The following UNC79 variants were observed in gnomAD, a reference collection of about 807,000 sequenced individuals.
UNC79 encodes protein unc-79 homolog.
A neutral mutation model predicts 283.1 loss-of-function variants in UNC79; 37 were observed. The ratio of observed to expected loss-of-function variants is 0.13; its 90% confidence interval spans 0.10 to 0.17. UNC79 has a LOEUF of 0.17. Ranked by LOEUF, UNC79 falls within the 10% of genes least tolerant of loss-of-function variation. The pLI, the probability that UNC79 is intolerant of heterozygous loss-of-function variation, is 1.00. For missense variants in UNC79, 2,272 were observed against 3,211.1 expected (o/e 0.71, Z 7.07); for synonymous variants, 1,107 against 1,200.2 (o/e 0.92, Z 1.61).
chr14:93,335,823 C>CT (rs1375456827), intron 1 of UNC79, among the ~76,000 whole-genome samples: 9 of 152,202 alleles, frequency 5.9e-5, no homozygotes. Flanking sequence ...CATCCCTGGT[C>CT]TTTTCATTTT....
At chr14:93,362,343 T>A (rs1004672693) in intron 1 of UNC79, among the ~76,000 whole-genome samples, 1 of 152,140 alleles carries the variant, frequency 6.6e-6, no homozygotes, top group African/African-American at 2.4e-5. Context: ...GTAGGTTTTT[T>A]ATTACTGATT....
At chr14:93,578,153 A>C in intron 18 of UNC79, 90 bp downstream of exon 18, 7 of 1,222,444 alleles carry the variant, frequency 5.7e-6, no homozygotes, top group Non-Finnish European at 8.0e-6. Context: ...GGGCATCTCC[A>C]CACTTATCAA....
chr14:93,458,742 T>C (rs1382133549), intron 1 of UNC79, among the ~76,000 whole-genome samples: 2 of 152,206 alleles, frequency 1.3e-5, no homozygotes, highest in Non-Finnish European at 2.9e-5. Context: ...TTTCAATTCA[T>C]TTCAACCACC....
rs551527302 is a variant in UNC79, at chr14:93,451,118, T to G, written c.23-16553T>G. On this transcript the variant is annotated intron_variant, in intron 1 of 48. Transcript: ENST00000555664. ...TTATCTTTCTGATATTAATAACAGGTTTTTTTTTTTTAAGATAAAGTTTTC... is the reference window on the plus strand; with the variant it reads ...TTATCTTTCTGATATTAATAACAGGGTTTTTTTTTTTAAGATAAAGTTTTC... Among the ~76,000 whole-genome samples the G allele has an allele frequency of 2.9e-3, 411 of 139,792 alleles. 9 individuals are homozygous for G. Among genetic ancestry groups the G allele is most frequent in the Non-Finnish European group, 5.9e-4 (37 of 62,802 alleles). The allele number at this position is 139,792 out of a possible 152,430, so 91.7% of individuals were successfully genotyped here. A position where few individuals can be genotyped will look rare whatever the true frequency, so the allele number is the denominator to read the frequency against.
intron 41 of UNC79, among the ~76,000 whole-genome samples, chr14:93,673,759 G>A (rs2073096233): frequency 6.6e-6 from 1 of 152,118 alleles, no homozygotes; most frequent in South Asian, 2.1e-4. Context: ...TAGAGGGTCA[G>A]GTCAGTCACC....
intron 1 of UNC79, among the ~76,000 whole-genome samples, chr14:93,424,690 A>C (rs1595459279): frequency 6.6e-6 from 1 of 152,026 alleles, no homozygotes; most frequent in East Asian, 1.9e-4. Context: ...TAGAGAGTAG[A>C]AGGATGGTTA....
chr14:93,381,320 C>T (rs957787033), intron 1 of UNC79, among the ~76,000 whole-genome samples: 1 of 152,174 alleles, frequency 6.6e-6, no homozygotes, highest in Non-Finnish European at 1.5e-5. Flanking sequence ...TGACTCCCCC[C>T]AGAAGGAGTG....
chr14:93,586,887 A>T, exon 22 of UNC79: 1 of 1,613,978 alleles, frequency 6.2e-7, no homozygotes, highest in African/African-American at 1.3e-5. Flanking sequence ...GCCTACATTC[A>T]GGACCACATG....
chr14:93,536,781 G>GC (rs1165901491), intron 11 of UNC79, among the ~76,000 whole-genome samples: 2 of 86,244 alleles, frequency 2.3e-5, no homozygotes, highest in African/African-American at 8.6e-5. Flanking sequence ...CCCACCCCCG[G>GC]CTTTTTTTTT....
intron 22 of UNC79, among the ~76,000 whole-genome samples, chr14:93,587,379 C>T (rs565226058): frequency 1.3e-5 from 2 of 152,262 alleles, no homozygotes; most frequent in East Asian, 1.9e-4. Context: ...CCTAGATTTA[C>T]AGCGTTTTTC....
At chr14:93,429,399 C>T (rs547475887), upstream of UNC79, among the ~76,000 whole-genome samples, 14 of 152,310 alleles carry the variant, frequency 9.2e-5, no homozygotes, top group Admixed American at 8.5e-4. Context: ...ACATATGCAA[C>T]CCAAAGAGCC....
chr14:93,639,131 G>A (rs998849374), intron 32 of UNC79, among the ~76,000 whole-genome samples: 4 of 152,138 alleles, frequency 2.6e-5, no homozygotes, highest in African/African-American at 4.8e-5. Flanking sequence ...GACTTTAATT[G>A]TGATTACTAT....
At chr14:93,371,744 G>A (rs1020877504) in intron 1 of UNC79, among the ~76,000 whole-genome samples, 4 of 152,126 alleles carry the variant, frequency 2.6e-5, no homozygotes, top group African/African-American at 9.7e-5. Context: ...GGGAGGCTGA[G>A]GCAGGAGAAT....
chr14:93,389,125 A>G (rs1334962450), intron 1 of UNC79, among the ~76,000 whole-genome samples: 2 of 152,188 alleles, frequency 1.3e-5, no homozygotes, highest in African/African-American at 4.8e-5. Context: ...ACACTGATTA[A>G]CAGTGACATT....
intron 23 of UNC79, among the ~76,000 whole-genome samples, chr14:93,594,415 G>A (rs554722079): frequency 1.3e-5 from 2 of 152,166 alleles, no homozygotes; most frequent in African/African-American, 4.8e-5. Context: ...GGCTACAGGT[G>A]CATGCTACTA....
chr14:93,603,581 A>G (rs1319211144), intron 26 of UNC79, among the ~76,000 whole-genome samples, 163 bp downstream of exon 26: 1 of 152,174 alleles, frequency 6.6e-6, no homozygotes, highest in Non-Finnish European at 1.5e-5. Flanking sequence ...AGGGGTATAA[A>G]TGCCTAGGGT....
intron 40 of UNC79, among the ~76,000 whole-genome samples, chr14:93,669,654 G>A (rs1174849720): frequency 1.3e-5 from 2 of 152,088 alleles, no homozygotes; most frequent in African/African-American, 2.4e-5. Context: ...CCCTGAGCCT[G>A]GGTAACATGG....
chr14:93,347,901 AC>A, intron 1 of UNC79: 1 of 588,512 alleles, frequency 1.7e-6, no homozygotes, highest in Non-Finnish European at 3.1e-6. Flanking sequence ...TTTAGATTTC[AC>A]TAGGCGCCTG....
intron 1 of UNC79, among the ~76,000 whole-genome samples, chr14:93,351,840 C>G: frequency 6.6e-6 from 1 of 152,134 alleles, no homozygotes; most frequent in East Asian, 1.9e-4. Context: ...GTCAGAATTC[C>G]CTTTTTGCTA....
Sources: allele counts gnomAD v4.1 joint callset (sites outside exome capture counted in the v4.1 genomes callset), GRCh38; gene constraint gnomAD v4.1.1; transcripts MANE v1.5; gene names NCBI Gene and HGNC (gene_info 2026-07-23, HGNC 2026-07-21).